Variants in FAM174A observed in about 807,000 individuals in gnomAD.
FAM174A encodes the protein family with sequence similarity 174 member A.
Under a neutral mutation model 14.3 loss-of-function variants are expected in FAM174A, and 14 were observed. The ratio of observed to expected loss-of-function variants is 0.98; its 90% confidence interval spans 0.65 to 1.53. The LOEUF is 1.53. Among genes scored for constraint, FAM174A ranks in the 40% most tolerant of loss-of-function variants. The pLI is 0.00. For synonymous variants in FAM174A, 108 were observed against 111.4 expected (o/e 0.97, Z 0.19); for missense variants, 241 against 249.6 (o/e 0.97, Z 0.23).
At chr5:100,568,929 C>G (rs1746720778) in intron 2 of FAM174A, among the ~76,000 whole-genome samples, 1 of 140,158 alleles carries the variant, frequency 7.1e-6, no homozygotes, top group African/African-American at 2.9e-5. Context: ...TTTCTTCTTC[C>G]TTTCCTATTT....
intron 2 of FAM174A, 103 bp from the exon 3 acceptor site, chr5:100,586,078 T>A (rs1022660450): frequency 1.5e-5 from 8 of 537,666 alleles, no homozygotes; most frequent in Non-Finnish European, 2.3e-5. Context: ...TAAGTACTTT[T>A]ATTATATTCT....
rs17157333 is a variant in FAM174A at position 100,571,469 on chromosome 5, A to C, written c.569+9281A>C. Among the ~76,000 whole-genome samples, 1,426 of 151,276 alleles carry C rather than the reference A, an allele frequency of 9.4e-3. 15 individuals carry two copies. Among genetic ancestry groups the C allele is most frequent in the African/African-American group, 0.033 (1,351 of 41,406 alleles). On this transcript the variant is annotated intron_variant, in intron 2 of 2. Coordinates refer to ENST00000312637, the MANE Select transcript of FAM174A (RefSeq NM_198507.3). The stretch of plus-strand genomic sequence containing the variant: ...TTGTCCATAATACACTGGACTTTAG[A>C]AATCAATTAAGTGGTGAATTATGTG...
At chr5:100,537,232 C>G (rs977824403) in intron 1 of FAM174A, among the ~76,000 whole-genome samples, 17 of 152,150 alleles carry the variant, frequency 1.1e-4, no homozygotes, top group African/African-American at 3.6e-4. Flanking sequence ...GGATTTAATG[C>G]AGAAGTAAAT....
At chr5:100,538,849 T>G (rs10054480) in intron 1 of FAM174A, among the ~76,000 whole-genome samples, 27,379 of 150,260 alleles carry the variant, frequency 0.18, 3,182 homozygotes, top group Admixed American at 0.32. Context: ...CTCTCCACAG[T>G]AAAATGTATA....
intron 2 of FAM174A, among the ~76,000 whole-genome samples, chr5:100,573,014 A>AT (rs1376618329): frequency 6.6e-6 from 1 of 152,016 alleles, no homozygotes; most frequent in African/African-American, 2.4e-5. Flanking sequence ...GATGATAAGC[A>AT]TTTTTTCATG....
intron 2 of FAM174A, among the ~76,000 whole-genome samples, chr5:100,585,000 A>T (rs866425456): frequency 1.3e-5 from 2 of 152,202 alleles, no homozygotes; most frequent in Non-Finnish European, 2.9e-5. Context: ...CACTAAATGC[A>T]GTAGAAACTA....
At chr5:100,563,156 G>T (rs1329979528) in intron 2 of FAM174A, among the ~76,000 whole-genome samples, 1 of 151,670 alleles carries the variant, frequency 6.6e-6, no homozygotes, top group African/African-American at 2.4e-5. Context: ...CTGATAATTT[G>T]TTCATTTAAT....
chr5:100,579,857 C>T (rs758266086), intron 2 of FAM174A, among the ~76,000 whole-genome samples: 1 of 152,158 alleles, frequency 6.6e-6, no homozygotes, highest in African/African-American at 2.4e-5. Context: ...TTTCTCAAAA[C>T]AGAAACTAGC....
chr5:100,579,531 TCTC>T (rs946315771), intron 2 of FAM174A, among the ~76,000 whole-genome samples: 78 of 152,174 alleles, frequency 5.1e-4, no homozygotes, highest in African/African-American at 1.8e-3. Flanking sequence ...TTCAAGCAAT[TCTC>T]CTGTCTCAGC....
At position 100,535,896 on chromosome 5, in the gene FAM174A, G is replaced by A; in HGVS notation, c.366G>A (p.Gln122=). 1 of 1,612,914 alleles carries A rather than the reference G, an allele frequency of 6.2e-7. No homozygotes were observed. The highest frequency in any genetic ancestry group is 1.1e-5 in the South Asian group (1 of 91,038). ...ACCCTGGCGACAAGCCCATGACCCA[G>A]CGGGCCCTGACCGTGTTGATGGTGG... ...SPNPGDKPMT[Q]RALTVLMVVS... Residue 122 remains glutamine (Q), a synonymous_variant, in exon 1 of 3, where the codon CAG becomes CAA. Coordinates refer to ENST00000312637, the MANE Select transcript of FAM174A (RefSeq NM_198507.3).
At chr5:100,584,765 A>T (rs1457993575) in intron 2 of FAM174A, among the ~76,000 whole-genome samples, 1 of 151,002 alleles carries the variant, frequency 6.6e-6, no homozygotes, top group African/African-American at 2.4e-5. Flanking sequence ...ACAGTTTCAC[A>T]TTTTTTTTTC....
intron 2 of FAM174A, among the ~76,000 whole-genome samples, chr5:100,566,145 T>TATATATATATAG (rs1746642499): frequency 1.4e-5 from 1 of 70,638 alleles, no homozygotes; most frequent in Non-Finnish European, 3.5e-5. Context: ...AAGTATGATA[T>TATATATATATAG]ATATATATAT....
intron 2 of FAM174A, among the ~76,000 whole-genome samples, chr5:100,574,209 G>A (rs1164592300): frequency 6.6e-6 from 1 of 151,722 alleles, no homozygotes; most frequent in East Asian, 1.9e-4. Flanking sequence ...ATTTTTTTGA[G>A]ATGGAATCTT....
At chr5:100,554,306 CTATCT>C (rs1254928652) in intron 1 of FAM174A, among the ~76,000 whole-genome samples, 6 of 133,804 alleles carry the variant, frequency 4.5e-5, no homozygotes, top group African/African-American at 1.5e-4. Context: ...CTCTATTTTT[CTATCT>C]TTTTTTTTTT....
At chr5:100,537,211 C>T (rs1745958690) in intron 1 of FAM174A, among the ~76,000 whole-genome samples, 1 of 152,170 alleles carries the variant, frequency 6.6e-6, no homozygotes, top group Admixed American at 6.5e-5. Flanking sequence ...AACCAAACAA[C>T]ACATTGCAAA....
intron 2 of FAM174A, chr5:100,581,543 T>C (rs1420216383): frequency 5.4e-6 from 1 of 184,464 alleles, no homozygotes; most frequent in Non-Finnish European, 1.0e-5. Flanking sequence ...ACTTGAGGTC[T>C]GGAATTCAAG....
chr5:100,564,439 C>G (rs1267065154), intron 2 of FAM174A, among the ~76,000 whole-genome samples: 1 of 151,666 alleles, frequency 6.6e-6, no homozygotes, highest in Non-Finnish European at 1.5e-5. Flanking sequence ...AGAAAGACTT[C>G]AAATAAACAA....
chr5:100,538,401 G>A (rs1310543179), intron 1 of FAM174A, among the ~76,000 whole-genome samples: 1 of 151,768 alleles, frequency 6.6e-6, no homozygotes, highest in Non-Finnish European at 1.5e-5. Flanking sequence ...AAATAGTTTT[G>A]TTTTTATCTA....
chr5:100,561,531 T>G (rs555558875), intron 1 of FAM174A, among the ~76,000 whole-genome samples: 1 of 152,050 alleles, frequency 6.6e-6, no homozygotes, highest in Admixed American at 6.6e-5. Context: ...TGCTGTACAT[T>G]TTGATTCAGT....
Sources: gnomAD v4.1 joint callset for allele counts (sites outside exome capture counted in the v4.1 genomes callset) on GRCh38, gnomAD v4.1.1 for gene constraint, MANE v1.5 for transcripts, NCBI Gene and HGNC (gene_info 2026-07-23, HGNC 2026-07-21) for gene names.